The following TMEM117 variants were observed in gnomAD, a reference collection of about 807,000 sequenced individuals.
TMEM117 encodes the protein transmembrane protein 117.
Under a neutral mutation model 52.4 loss-of-function variants are expected in TMEM117, and 27 were observed. The ratio of observed to expected loss-of-function variants is 0.51; its 90% CI spans 0.38 to 0.71. The LOEUF (loss-of-function observed/expected upper bound fraction) is 0.71, where lower values mean the gene tolerates loss of function less well. TMEM117 is among the 30% of genes least tolerant of loss of function. TMEM117 has a pLI of 0.00. For synonymous variants in TMEM117, 215 were observed against 206.3 expected (o/e 1.04, Z -0.36); for missense variants, 556 against 630.5 (o/e 0.88, Z 1.26).
At chr12:43,987,758 ATG>A (rs1945872352) in intron 3 of TMEM117, among the ~76,000 whole-genome samples, 1 of 152,032 alleles carries the variant, frequency 6.6e-6, no homozygotes, top group African/African-American at 2.4e-5. Flanking sequence ...AAATAAAAAC[ATG>A]TACATTAATC....
intron 2 of TMEM117, among the ~76,000 whole-genome samples, chr12:43,902,869 T>C (rs545494890): frequency 6.0e-4 from 91 of 152,086 alleles, no homozygotes; most frequent in Non-Finnish European, 1.2e-3. Context: ...CAAGAGTAGC[T>C]TAACAAGGAC....
the TMEM117 span, among the ~76,000 whole-genome samples, chr12:44,397,287 C>G: frequency 6.6e-6 from 1 of 152,180 alleles, no homozygotes; most frequent in African/African-American, 2.4e-5. Context: ...AGTGAATTGA[C>G]TGTGATTGAT....
chr12:44,368,998 C>G (rs1202724384), intron 6 of TMEM117, among the ~76,000 whole-genome samples: 1 of 151,972 alleles, frequency 6.6e-6, no homozygotes, highest in East Asian at 1.9e-4. Context: ...TTTGCACTAA[C>G]TTTAGTTATC....
chr12:44,385,617 T>G (rs959388937), intron 7 of TMEM117, among the ~76,000 whole-genome samples: 1 of 152,048 alleles, frequency 6.6e-6, no homozygotes, highest in East Asian at 1.9e-4. Flanking sequence ...AATAAAAATT[T>G]TATAAGGAGA....
intron 6 of TMEM117, among the ~76,000 whole-genome samples, chr12:44,355,774 C>G (rs1159390381): frequency 2.6e-5 from 4 of 151,924 alleles, no homozygotes; most frequent in Non-Finnish European, 5.9e-5. Context: ...CCAGAATAAG[C>G]AGGGGTACAT....
At chr12:43,945,770 A>G (rs944923583) in intron 3 of TMEM117, among the ~76,000 whole-genome samples, 6 of 152,234 alleles carry the variant, frequency 3.9e-5, no homozygotes, top group African/African-American at 1.4e-4. Context: ...CCAATAGATC[A>G]GAAAGTTAGG....
At chr12:43,837,096 T>C in intron 1 of TMEM117, among the ~76,000 whole-genome samples, 1 of 152,128 alleles carries the variant, frequency 6.6e-6, no homozygotes, top group South Asian at 2.1e-4. Context: ...CTTTCTTTTA[T>C]CCCCCAAGTC....
chr12:44,328,640 C>A (rs1221844017), intron 6 of TMEM117, among the ~76,000 whole-genome samples: 2 of 151,980 alleles, frequency 1.3e-5, no homozygotes, highest in Non-Finnish European at 2.9e-5. Context: ...TAGATGTTTT[C>A]CCCAAATTTA....
In TMEM117 at chr12:44,318,720, C is replaced by T. The variant is rs1328600214; in HGVS notation, c.768+18981C>T. Reference sequence around the variant, plus strand: ...TCTATGCACAGGAAGGGTGGGGCAGCTCAGCCTACTGATCCAGGAGAGTGG... The same window carrying T: ...TCTATGCACAGGAAGGGTGGGGCAGTTCAGCCTACTGATCCAGGAGAGTGG... On this transcript the variant is annotated intron_variant, in intron 6 of 7. Transcript: ENST00000266534. 2.0e-5 allele frequency among the ~76,000 whole-genome samples: 3 copies of T among 152,056 alleles called. No individual in the cohort carries two copies. The East Asian group carries it at 5.8e-4, about 29-fold the overall frequency.
chr12:43,996,122 A>G (rs1946026252), intron 3 of TMEM117, among the ~76,000 whole-genome samples: 1 of 152,244 alleles, frequency 6.6e-6, no homozygotes, highest in South Asian at 2.1e-4. Context: ...ATACAAGCTT[A>G]TTGAAGAAAA....
chr12:44,160,836 C>T (rs568359159), intron 4 of TMEM117, among the ~76,000 whole-genome samples: 194 of 152,144 alleles, frequency 1.3e-3, no homozygotes, highest in African/African-American at 4.2e-3. Flanking sequence ...TGCCTTGATC[C>T]GTGTTGATGA....
intron 5 of TMEM117, among the ~76,000 whole-genome samples, chr12:44,263,239 A>C (rs990565024): frequency 6.6e-6 from 1 of 152,216 alleles, no homozygotes; most frequent in African/African-American, 2.4e-5. Flanking sequence ...TGGTCAAAAA[A>C]CATATGAAAA....
chr12:44,318,271 G>A (rs1951085027), intron 6 of TMEM117: 1 of 152,348 alleles, frequency 6.6e-6, no homozygotes, highest in Non-Finnish European at 1.5e-5. Context: ...GGGAGACTCA[G>A]GCTGCTGGTC....
intron 5 of TMEM117, among the ~76,000 whole-genome samples, chr12:44,252,182 TC>T (rs1950204180): frequency 6.6e-6 from 1 of 152,160 alleles, no homozygotes; most frequent in Admixed American, 6.5e-5. Context: ...CTCCTTTTTT[TC>T]CACCTATTAA....
intron 4 of TMEM117, among the ~76,000 whole-genome samples, chr12:44,184,337 T>A: frequency 6.6e-6 from 1 of 152,074 alleles, no homozygotes; most frequent in Admixed American, 6.6e-5. Flanking sequence ...AGAATGGGAC[T>A]CCATTTCAAA....
chr12:44,328,747 A>G (rs1951228759), intron 6 of TMEM117, among the ~76,000 whole-genome samples: 1 of 152,126 alleles, frequency 6.6e-6, no homozygotes. Context: ...TTTCATTACC[A>G]GGAAAGTCAG....
chr12:43,935,922 G>A (rs1944945370), intron 2 of TMEM117, among the ~76,000 whole-genome samples: 1 of 152,198 alleles, frequency 6.6e-6, no homozygotes, highest in East Asian at 1.9e-4. Context: ...TTCAGCATGA[G>A]CATAGAAAAT....
At chr12:44,300,888 C>T (rs530219294) in intron 6 of TMEM117, among the ~76,000 whole-genome samples, 4 of 152,260 alleles carry the variant, frequency 2.6e-5, no homozygotes, top group Admixed American at 2.0e-4. Flanking sequence ...CTAGATCTGC[C>T]TGTCACTAAG....
chr12:44,180,021 T>G (rs1217599846), intron 4 of TMEM117, among the ~76,000 whole-genome samples: 1 of 152,046 alleles, frequency 6.6e-6, no homozygotes, highest in Non-Finnish European at 1.5e-5. Flanking sequence ...AAAAGAAGGT[T>G]TATAACTAAC....
Sources: gnomAD v4.1 joint callset for allele counts (sites outside exome capture counted in the v4.1 genomes callset) on GRCh38, gnomAD v4.1.1 for gene constraint, MANE v1.5 for transcripts, NCBI Gene and HGNC (gene_info 2026-07-23, HGNC 2026-07-21) for gene names.